The following SUPT5H variants were observed in gnomAD, a reference collection of about 807,000 sequenced individuals.
SUPT5H encodes transcription elongation factor SPT5.
Under a neutral mutation model 142.5 loss-of-function variants are expected in SUPT5H, and 24 were observed. That is an observed-to-expected ratio of 0.17 (90% CI 0.12 to 0.24). SUPT5H has a LOEUF of 0.24. Ranked by LOEUF, SUPT5H falls within the 10% of genes least tolerant of loss-of-function variation. The pLI, the probability that SUPT5H is intolerant of heterozygous loss-of-function variation, is 1.00. For missense variants in SUPT5H, 893 were observed against 1,471.8 expected (o/e 0.61, Z 6.43); for synonymous variants, 546 against 553.0 (o/e 0.99, Z 0.18).
chr19:39,451,044 A>G (rs996416216), intron 2 of SUPT5H, among the ~76,000 whole-genome samples: 13 of 152,060 alleles, frequency 8.5e-5, no homozygotes, highest in Non-Finnish European at 1.0e-4. Context: ...GAAAATACAC[A>G]TTGAGTATTA....
chr19:39,466,395 C>G lies in SUPT5H; in HGVS notation c.877-85C>G. On this transcript the variant is annotated intron_variant, in intron 11 of 29. Transcript: ENST00000432763. This position sits in a 1 kb window ranked among gnomAD's most constrained non-coding sequence, Gnocchi z 4.3. ...TTCCCCACCATCCTGCGTCCCTTCTCCTTCCTAGCATCTCCTGACCCTTCT... is the reference window on the plus strand; with the variant it reads ...TTCCCCACCATCCTGCGTCCCTTCTGCTTCCTAGCATCTCCTGACCCTTCT... 1 of 1,316,244 alleles carries G rather than the reference C, an allele frequency of 7.6e-7. No homozygotes were observed. The allele number at this position is 1,316,244 out of a possible 1,614,324, so 81.5% of individuals were successfully genotyped here. A position where few individuals can be genotyped will look rare whatever the true frequency, so the allele number is the denominator to read the frequency against.
At position 39,445,613 on chromosome 19, in the gene SUPT5H, C is replaced by A; in HGVS notation, c.-112C>A. The A allele has an allele frequency of 2.2e-6, 1 of 446,170 alleles. No homozygotes were observed. The highest frequency in any genetic ancestry group is 2.9e-5 in the South Asian group (1 of 34,574). 27.6% of individuals were successfully genotyped at this position (446,170 alleles called of 1,614,324 possible). ...GCGTCGTGCGAACAGCAGCTGGTAC[C>A]GAAGGCGGAGGTGGAGCCCGAGAGG... On this transcript the variant is annotated 5_prime_UTR_variant, in exon 1 of 30. Coordinates refer to ENST00000432763, the MANE Select transcript of SUPT5H (RefSeq NM_001111020.3).
At chr19:39,460,717 A>G (rs2079150038) in intron 10 of SUPT5H, among the ~76,000 whole-genome samples, 2 of 152,128 alleles carry the variant, frequency 1.3e-5, no homozygotes, top group South Asian at 4.1e-4. Flanking sequence ...TGTGACAAAA[A>G]AAAGGATTAG....
chr19:39,463,359 T>C (rs2079191483), intron 10 of SUPT5H, among the ~76,000 whole-genome samples: 1 of 152,198 alleles, frequency 6.6e-6, no homozygotes, highest in Admixed American at 6.5e-5. Flanking sequence ...CATGGCTTTT[T>C]TCAAATCTCA....
At chr19:39,455,873 G>A (rs1181543451) in intron 3 of SUPT5H, among the ~76,000 whole-genome samples, 2 of 140,356 alleles carry the variant, frequency 1.4e-5, no homozygotes, top group Non-Finnish European at 3.0e-5. Context: ...CACCCACCTT[G>A]GCCTCCCAAA....
rs1279524365 is a variant in SUPT5H at position 39,466,041 on chromosome 19, T to G, written c.877-439T>G. On this transcript the variant is annotated intron_variant, in intron 11 of 29. Transcript: ENST00000432763. This position sits in a 1 kb window ranked among gnomAD's most constrained non-coding sequence, Gnocchi z 4.3. ...TTTGAGCATTTTGGGTTTTTGGATT[T>G]GGAATGCTGAGACTGCAGTGGAGGA... Among the ~76,000 whole-genome samples, 1 of 152,154 alleles carries G rather than the reference T, an allele frequency of 6.6e-6. No individual in the cohort carries two copies. Among genetic ancestry groups the G allele is most frequent in the African/African-American group, 2.4e-5 (1 of 41,438 alleles).
rs748931655 is a variant in SUPT5H at position 39,453,457 on chromosome 19, GGAA to G, written c.183_185del (p.Glu61del). ...AGGAGGAATACGATGAGGAAGAGGA[GGAA>G]GAAGATGATGACCGACCCCCCAAGA... On this transcript the variant is annotated inframe_deletion, in exon 3 of 30. Coordinates refer to ENST00000432763, the MANE Select transcript of SUPT5H (RefSeq NM_001111020.3). 4.5e-6 allele frequency: 7 copies of G among 1,556,488 alleles called. No individual in the cohort carries two copies. In the South Asian group the frequency reaches 7.1e-5, roughly 16 times the overall value.
rs1210016852 is a variant in SUPT5H, at chr19:39,473,253, T to C, written c.2309T>C (p.Met770Thr). Residue 770 changes from methionine to threonine, a missense_variant, in exon 24 of 30, where the codon ATG (methionine) becomes ACG (threonine). Met to Thr is a moderately conservative substitution (Grantham distance 81). Around this residue, in one of 6 missense-constraint regions of SUPT5H, gnomAD observed 336 missense variants for 546.5 expected, o/e 0.61. Transcript: ENST00000432763. This position sits in a 1 kb window ranked among gnomAD's most constrained non-coding sequence, Gnocchi z 5.8. ...GMTSTYGRTP[M>T]YGSQTPMYGS... ...ACCTCGACCTATGGGAGGACGCCCA[T>C]GTATGGCTCCCAGACGCCCATGTAT... 10 of 1,613,676 alleles carry C rather than the reference T, an allele frequency of 6.2e-6. No homozygotes were observed. The highest frequency in any genetic ancestry group is 8.5e-6 in the Non-Finnish European group (10 of 1,179,932).
chr19:39,463,230 G>A (rs1421058607), intron 10 of SUPT5H, among the ~76,000 whole-genome samples: 1 of 151,526 alleles, frequency 6.6e-6, no homozygotes, highest in Non-Finnish European at 1.5e-5. Context: ...TTGAACTCCC[G>A]ACCTCAAGTG....
In SUPT5H at chr19:39,466,761, G is replaced by A. The variant is rs754934182; in HGVS notation, c.1037+16G>A. On this transcript the variant is annotated intron_variant, in intron 13 of 29. Coordinates refer to ENST00000432763, the MANE Select transcript of SUPT5H (RefSeq NM_001111020.3). The surrounding 1 kb of genome is among the most constrained non-coding windows in gnomAD (Gnocchi z 4.3). ...AGAAGATCAGGTGCGTGTCCTTGGG[G>A]ACTGGCTGGGCTGGGTCCCCAGGGC... 5 of 1,613,934 alleles carry A rather than the reference G, an allele frequency of 3.1e-6. No homozygotes were observed. The highest frequency in any genetic ancestry group is 1.7e-5 in the Admixed American group (1 of 60,012).
rs377750492 is a variant in SUPT5H, at chr19:39,466,455, C to G, written c.877-25C>G. ...GGTCAGGGAGGAGAGTGGGGCCCTG[C>G]TGACCTTCTGCTCGCCCTGCTCAGG... On this transcript the variant is annotated intron_variant, in intron 11 of 29. Transcript: ENST00000432763. The surrounding 1 kb of genome is among the most constrained non-coding windows in gnomAD (Gnocchi z 4.3). 4.3e-5 allele frequency: 69 copies of G among 1,610,198 alleles called. No individual in the cohort carries two copies. The African/African-American group carries it at 8.7e-4, about 20-fold the overall frequency.
intron 3 of SUPT5H, among the ~76,000 whole-genome samples, chr19:39,455,663 C>A (rs1319762851): frequency 6.7e-6 from 1 of 150,048 alleles, no homozygotes; most frequent in African/African-American, 2.5e-5. Flanking sequence ...CGCTTTTTCA[C>A]CCAGGCTGGG....
rs1206710109 is a variant in SUPT5H at position 39,472,553 on chromosome 19, T to G, written c.2035+60T>G. 4.4e-6 allele frequency: 7 copies of G among 1,578,468 alleles called. No homozygotes were observed. The highest frequency in any genetic ancestry group is 1.3e-5 in the African/African-American group (1 of 74,136). ...TAGAAGGGGCTGGAAGGAACTTGGT[T>G]GTTCAGCCTACACTCACTGAGTGCC... is the stretch of plus-strand genomic sequence containing the variant. On this transcript the variant is annotated intron_variant, in intron 21 of 29. Transcript: ENST00000432763. This position sits in a 1 kb window ranked among gnomAD's most constrained non-coding sequence, Gnocchi z 4.2.
chr19:39,450,053 T>C (rs1198428648), intron 2 of SUPT5H, among the ~76,000 whole-genome samples: 1 of 151,798 alleles, frequency 6.6e-6, no homozygotes, highest in Non-Finnish European at 1.5e-5. Flanking sequence ...ATCCTCCTGC[T>C]TCAGCCTCCC....
rs749110865 is a variant in SUPT5H at position 39,476,339 on chromosome 19, C to T, written c.3204C>T (p.Asp1068=). The part of the protein sequence containing the change: ...IDGEDGIVRM[D]LDEQLKILNL... ...GTGAGGATGGCATTGTCCGTATGGA[C>T]CTTGATGAGCAGCTCAAGATCCTCA... The change falls in exon 30 of 30, where the codon GAC becomes GAT. Residue 1068 remains aspartate, a synonymous_variant. Coordinates refer to ENST00000432763, the MANE Select transcript of SUPT5H (RefSeq NM_001111020.3). 20 of 1,613,982 alleles carry T rather than the reference C, an allele frequency of 1.2e-5. No homozygotes were observed. Among genetic ancestry groups the T allele is most frequent in the Middle Eastern group, 1.6e-4 (1 of 6,084 alleles).
Position 39,469,184 on chromosome 19 carries a change from C to T in SUPT5H, c.1237+12C>T, listed in dbSNP as rs775612918. The T allele has an allele frequency of 6.8e-6, 11 of 1,614,072 alleles. No individual in the cohort carries two copies. In the Admixed American group the frequency reaches 1.7e-4, roughly 24 times the overall value. ...GACTGAGAGCACAGGTATTTGATCC[C>T]CCTCTATAACCTGGGCCAAGGAGCA... On this transcript the variant is annotated intron_variant, in intron 15 of 29. Coordinates refer to ENST00000432763, the MANE Select transcript of SUPT5H (RefSeq NM_001111020.3). This position sits in a 1 kb window ranked among gnomAD's most constrained non-coding sequence, Gnocchi z 5.1.
chr19:39,446,716 C>T (rs1303673318), intron 2 of SUPT5H, among the ~76,000 whole-genome samples: 2 of 152,280 alleles, frequency 1.3e-5, no homozygotes, highest in South Asian at 2.1e-4. Context: ...ATATAAAAAC[C>T]ATTGGCTGAG....
chr19:39,451,066 T>C (rs952316082), intron 2 of SUPT5H, among the ~76,000 whole-genome samples: 12 of 150,704 alleles, frequency 8.0e-5, no homozygotes, highest in Admixed American at 6.6e-4. Flanking sequence ...CTAAAATGCT[T>C]GGGACAAGAA....
chr19:39,465,671 C>G (rs1600715887), intron 11 of SUPT5H, among the ~76,000 whole-genome samples: 1 of 152,098 alleles, frequency 6.6e-6, no homozygotes, highest in African/African-American at 2.4e-5. Context: ...GATGGCTGCC[C>G]ACAACAAAAA....
Sources: gnomAD v4.1 joint callset for allele counts (sites outside exome capture counted in the v4.1 genomes callset) on GRCh38, gnomAD v4.1.1 for gene constraint, gnomAD v4.1.1 regional missense constraint, Gnocchi (gnomAD v3.1) non-coding constraint, MANE v1.5 for transcripts, NCBI Gene and HGNC (gene_info 2026-07-23, HGNC 2026-07-21) for gene names.